Variants in DMD observed in about 807,000 individuals in gnomAD.
DMD encodes dystrophin, also known as mutant dystrophin.
A neutral mutation model predicts 330.1 loss-of-function variants in DMD; 63 were observed. The ratio of observed to expected loss-of-function variants is 0.19; its 90% confidence interval spans 0.16 to 0.24. The LOEUF is 0.24. Ranked by LOEUF, DMD falls within the 10% of genes least tolerant of loss-of-function variation. The pLI, the probability that DMD is intolerant of heterozygous loss-of-function variation, is 1.00. For synonymous variants in DMD, 1,223 were observed against 959.8 expected (o/e 1.27, Z -5.07); for missense variants, 3,344 against 2,684.1 (o/e 1.25, Z -5.43).
chrX:32,493,973 A>T (rs899847073), intron 19 of DMD, among the ~76,000 whole-genome samples: 1 of 112,096 alleles, frequency 8.9e-6, no homozygotes, highest in African/African-American at 3.2e-5. Context: ...ACATTTGTCT[A>T]AATGAGACGG....
At chrX:32,607,294 G>A (rs937362623) in intron 12 of DMD, among the ~76,000 whole-genome samples, 1 of 110,317 alleles carries the variant, frequency 9.1e-6, no homozygotes, top group Non-Finnish European at 1.9e-5. Context: ...CTTACACTGA[G>A]ATTCATGGAA....
At chrX:32,405,206 C>T (rs2098110920) in intron 30 of DMD, among the ~76,000 whole-genome samples, 2 of 111,565 alleles carry the variant, frequency 1.8e-5, no homozygotes, top group African/African-American at 6.5e-5. Context: ...CCAAATCCAC[C>T]TAAAGATTTG....
intron 44 of DMD, among the ~76,000 whole-genome samples, chrX:32,017,113 T>C (rs1245448614): frequency 8.9e-6 from 1 of 112,234 alleles, no homozygotes; most frequent in Non-Finnish European, 1.9e-5. Context: ...ATTTACGGGC[T>C]TCTTCCAAAG....
intron 18 of DMD, chrX:32,517,690 C>T (rs2045988829): frequency 1.1e-5 from 4 of 358,596 alleles, no homozygotes; most frequent in Non-Finnish European, 1.9e-5. Flanking sequence ...TAAGGCCTAG[C>T]CTTGAGGTAA....
At chrX:32,822,340 G>A (rs1303850548) in intron 5 of DMD, among the ~76,000 whole-genome samples, 6 of 110,572 alleles carry the variant, frequency 5.4e-5, no homozygotes, top group Admixed American at 9.7e-5. Context: ...GATGGTAACC[G>A]TGGAAGTTTA....
intron 2 of DMD, among the ~76,000 whole-genome samples, chrX:32,923,491 C>G (rs779242721): frequency 1.8e-5 from 2 of 109,690 alleles, no homozygotes; most frequent in South Asian, 7.9e-4. Flanking sequence ...ACCCCGGGAG[C>G]CAGAGGTTGC....
chrX:31,757,087 C>A (rs1262293344), intron 51 of DMD, among the ~76,000 whole-genome samples: 1 of 110,198 alleles, frequency 9.1e-6, no homozygotes, highest in African/African-American at 3.3e-5. Context: ...ATCAACAATC[C>A]TTCCCTATGT....
intron 44 of DMD, among the ~76,000 whole-genome samples, chrX:32,167,933 G>T (rs1171480248): frequency 9.0e-6 from 1 of 111,657 alleles, no homozygotes; most frequent in African/African-American, 3.3e-5. Context: ...GGAATTTTAG[G>T]GTCAATATTT....
At chrX:31,892,598 C>T (rs1467412020) in intron 47 of DMD, among the ~76,000 whole-genome samples, 2 of 111,803 alleles carry the variant, frequency 1.8e-5, no homozygotes, top group African/African-American at 3.3e-5. Flanking sequence ...CTACACAAAC[C>T]TAGGTGGTAC....
intron 13 of DMD, among the ~76,000 whole-genome samples, chrX:32,575,353 A>G (rs779360619): frequency 4.4e-5 from 5 of 112,588 alleles, no homozygotes; most frequent in Non-Finnish European, 7.5e-5. Flanking sequence ...CAGCTCAATC[A>G]TAAGTGAGTT....
chrX:32,502,948 C>G (rs751733174), intron 18 of DMD, among the ~76,000 whole-genome samples: 22 of 110,536 alleles, frequency 2.0e-4, no homozygotes, highest in African/African-American at 7.2e-4. Context: ...TGTGGGTATT[C>G]AGCACTTGAA....
intron 7 of DMD, among the ~76,000 whole-genome samples, chrX:32,804,384 G>A (rs1434660109): frequency 8.9e-6 from 1 of 112,437 alleles, no homozygotes; most frequent in East Asian, 2.8e-4. Flanking sequence ...AGAGCCCACT[G>A]TAGCTCAGCA....
At chrX:32,904,718 C>T (rs1052918751) in intron 2 of DMD, among the ~76,000 whole-genome samples, 3 of 111,827 alleles carry the variant, frequency 2.7e-5, no homozygotes, top group African/African-American at 9.7e-5. Context: ...GGATTACAGG[C>T]ATCCACCACC....
intron 44 of DMD, among the ~76,000 whole-genome samples, chrX:32,162,415 A>C (rs1342765213): frequency 9.1e-6 from 1 of 110,198 alleles, no homozygotes; most frequent in Non-Finnish European, 1.9e-5. Context: ...AACATAGAAG[A>C]ATGATTTATC....
chrX:31,768,393 TTTC>T (rs2090133112), intron 51 of DMD, among the ~76,000 whole-genome samples: 1 of 110,106 alleles, frequency 9.1e-6, no homozygotes, highest in African/African-American at 3.3e-5. Context: ...TTAATATTCC[TTTC>T]TTGTCTTTTT....
chrX:32,717,606 G>C (rs1456353671), intron 7 of DMD, among the ~76,000 whole-genome samples: 2 of 111,811 alleles, frequency 1.8e-5, no homozygotes, highest in Admixed American at 9.4e-5. Flanking sequence ...CTCTCACACA[G>C]AGTCCCCACT....
chrX:31,487,669 T>C (rs1264728019), intron 57 of DMD, among the ~76,000 whole-genome samples: 1 of 111,663 alleles, frequency 9.0e-6, no homozygotes, highest in African/African-American at 3.3e-5. Context: ...TCTCTGCTTC[T>C]ATGAGTTTGA....
At chrX:31,836,927 G>C (rs898715289) in intron 48 of DMD, 108 bp from the exon 49 acceptor site, 1 of 668,069 alleles carries the variant, frequency 1.5e-6, no homozygotes, top group South Asian at 2.4e-5. Context: ...ATCAATTTCT[G>C]CCTGGTACAT....
intron 1 of DMD, among the ~76,000 whole-genome samples, chrX:33,095,553 CAA>C (rs1320267683): frequency 8.9e-6 from 1 of 112,064 alleles, no homozygotes; most frequent in Admixed American, 9.5e-5. Context: ...TATTAATAAT[CAA>C]GAGTGGAACT....
Sources: allele counts gnomAD v4.1 joint callset (sites outside exome capture counted in the v4.1 genomes callset), GRCh38; gene constraint gnomAD v4.1.1; transcripts MANE v1.5; gene names NCBI Gene and HGNC (gene_info 2026-07-23, HGNC 2026-07-21).